The following DNAJC1 variants were observed in gnomAD, a reference collection of about 807,000 sequenced individuals.
DNAJC1 encodes the protein DnaJ heat shock protein family (Hsp40) member C1.
DNAJC1 carries 58 observed loss-of-function variants against 76.6 expected under a neutral mutation model. The ratio of observed to expected loss-of-function variants is 0.76; its 90% CI spans 0.61 to 0.94. The LOEUF (loss-of-function observed/expected upper bound fraction) is 0.94. Among genes scored for constraint, DNAJC1 ranks in the 40% least tolerant of loss-of-function variants. DNAJC1 has a pLI of 0.00. For missense variants in DNAJC1, 689 were observed against 677.3 expected (o/e 1.02, Z -0.19); for synonymous variants, 258 against 267.9 (o/e 0.96, Z 0.36).
At chr10:21,840,633 C>T (rs917549335) in intron 8 of DNAJC1, among the ~76,000 whole-genome samples, 1 of 152,196 alleles carries the variant, frequency 6.6e-6, no homozygotes, top group Non-Finnish European at 1.5e-5. Flanking sequence ...ACATTCCATG[C>T]TCATGGGTAG....
intron 8 of DNAJC1, among the ~76,000 whole-genome samples, chr10:21,841,825 T>C (rs1187932336): frequency 6.6e-6 from 1 of 152,014 alleles, no homozygotes; most frequent in African/African-American, 2.4e-5. Flanking sequence ...CTGTTCACAA[T>C]AGCAAAGACT....
intron 8 of DNAJC1, among the ~76,000 whole-genome samples, chr10:21,863,927 T>A (rs1463102066): frequency 6.6e-6 from 1 of 152,048 alleles, no homozygotes; most frequent in South Asian, 2.1e-4. Context: ...AATGGCCAGG[T>A]GAGGTGGCTC....
intron 1 of DNAJC1, among the ~76,000 whole-genome samples, chr10:21,969,529 T>C (rs576345266): frequency 2.0e-5 from 3 of 152,284 alleles, no homozygotes; most frequent in South Asian, 4.1e-4. Flanking sequence ...GGACTCTGAG[T>C]GTAAAGAATG....
At chr10:21,878,864 A>G (rs1836226617) in intron 8 of DNAJC1, among the ~76,000 whole-genome samples, 2 of 152,012 alleles carry the variant, frequency 1.3e-5, no homozygotes, top group South Asian at 4.2e-4. Context: ...TCACAGAAAA[A>G]TTATTCATTA....
chr10:21,768,851 T>A (rs769918626), intron 9 of DNAJC1, among the ~76,000 whole-genome samples: 1 of 152,202 alleles, frequency 6.6e-6, no homozygotes, highest in Non-Finnish European at 1.5e-5. Flanking sequence ...TGAGGCTAAA[T>A]CTGCCCCTTG....
chr10:21,910,330 G>T (rs771900580), intron 6 of DNAJC1, among the ~76,000 whole-genome samples: 1 of 152,058 alleles, frequency 6.6e-6, no homozygotes, highest in African/African-American at 2.4e-5. Flanking sequence ...GTCCAGGCTG[G>T]TCTCGAACTC....
chr10:21,863,224 CAG>C (rs1055320703), intron 8 of DNAJC1, among the ~76,000 whole-genome samples: 1 of 151,474 alleles, frequency 6.6e-6, no homozygotes. Flanking sequence ...CTGAAAAAAA[CAG>C]AGAAAAATAA....
chr10:21,928,934 ACCT>A (rs1402008862), intron 2 of DNAJC1, 103 bp downstream of exon 2: 3 of 704,812 alleles, frequency 4.3e-6, no homozygotes, highest in South Asian at 5.3e-5. Flanking sequence ...TTAAACTACT[ACCT>A]CATTTTCAAA....
At chr10:21,923,072 G>A (rs1447446864) in intron 3 of DNAJC1, among the ~76,000 whole-genome samples, 4 of 151,758 alleles carry the variant, frequency 2.6e-5, no homozygotes, top group African/African-American at 4.8e-5. Context: ...TCTACCCTAC[G>A]TACAAATTGT....
At chr10:21,947,553 C>T (rs552144593) in intron 1 of DNAJC1, among the ~76,000 whole-genome samples, 3 of 152,152 alleles carry the variant, frequency 2.0e-5, no homozygotes, top group Non-Finnish European at 2.9e-5. Context: ...TGTAAGAATA[C>T]AGTATATGAT....
intron 1 of DNAJC1, among the ~76,000 whole-genome samples, chr10:21,974,308 C>T (rs373385176): frequency 9.2e-5 from 14 of 151,990 alleles, no homozygotes; most frequent in African/African-American, 2.9e-4. Flanking sequence ...TGTCAAATAC[C>T]GATTAGGGTA....
At chr10:21,908,084 T>TATATATAAAATATATATA (rs1386821517) in intron 6 of DNAJC1, among the ~76,000 whole-genome samples, 11 of 112,308 alleles carry the variant, frequency 9.8e-5, no homozygotes, top group African/African-American at 3.2e-4. Flanking sequence ...AAATATATAT[T>TATATATAAAATATATATA]ATATATAAAA....
At position 21,928,097 on chromosome 10, in the gene DNAJC1, T is replaced by TA. The variant is rs1018627440; in HGVS notation, c.371+408dup. ...GAAAGAGTACTAACTTGACTATCAC[T>TA]ACAGTCTAATTCAAACATTTAAGGA... On this transcript the variant is annotated intron_variant, in intron 3 of 11. Coordinates refer to ENST00000376980, the MANE Select transcript of DNAJC1 (RefSeq NM_022365.4). Among the ~76,000 whole-genome samples the TA allele has an allele frequency of 1.8e-4, 27 of 152,306 alleles. 1 individual carries two copies. Among genetic ancestry groups the TA allele is most frequent in the Admixed American group, 1.4e-3 (22 of 15,298 alleles).
chr10:21,800,741 TACA>T (rs1320686705), intron 9 of DNAJC1, among the ~76,000 whole-genome samples: 1 of 152,222 alleles, frequency 6.6e-6, no homozygotes, highest in African/African-American at 2.4e-5. Flanking sequence ...TAGAATGATA[TACA>T]ACGTTTATAC....
chr10:21,771,816 T>A (rs891801472), intron 9 of DNAJC1, among the ~76,000 whole-genome samples: 1 of 152,192 alleles, frequency 6.6e-6, no homozygotes, highest in African/African-American at 2.4e-5. Context: ...TCTCTTGAGA[T>A]GATCGTGTGA....
chr10:21,945,973 A>T (rs1182186733), intron 1 of DNAJC1, among the ~76,000 whole-genome samples: 1 of 151,778 alleles, frequency 6.6e-6, no homozygotes. Context: ...TAATTTAGTA[A>T]TTTGAGAAGT....
At chr10:21,999,543 C>T (rs1180379301) in intron 1 of DNAJC1, among the ~76,000 whole-genome samples, 1 of 151,352 alleles carries the variant, frequency 6.6e-6, no homozygotes, top group African/African-American at 2.4e-5. Flanking sequence ...GCAACCTCCG[C>T]CTCCCGGGTT....
intron 1 of DNAJC1, among the ~76,000 whole-genome samples, chr10:21,997,316 A>G (rs889060567): frequency 4.6e-5 from 7 of 152,198 alleles, no homozygotes; most frequent in African/African-American, 1.7e-4. Context: ...TATAACTGAT[A>G]CAGCTATTGA....
At chr10:21,828,513 T>C (rs1835300832) in intron 8 of DNAJC1, among the ~76,000 whole-genome samples, 1 of 152,216 alleles carries the variant, frequency 6.6e-6, no homozygotes, top group Non-Finnish European at 1.5e-5. Flanking sequence ...TGTTGAATTC[T>C]GTTGAATACA....
Sources: gnomAD v4.1 joint callset for allele counts (sites outside exome capture counted in the v4.1 genomes callset) on GRCh38, gnomAD v4.1.1 for gene constraint, MANE v1.5 for transcripts, NCBI Gene and HGNC (gene_info 2026-07-23, HGNC 2026-07-21) for gene names.